The following RMND1 variants were observed in gnomAD, a reference collection of about 807,000 sequenced individuals.
The protein encoded by RMND1 is required for meiotic nuclear division 1 homolog.
In RMND1, 41 loss-of-function variants were observed where a neutral mutation model predicts 54.0. The ratio of observed to expected loss-of-function variants is 0.76; its 90% CI spans 0.59 to 0.98. The LOEUF (loss-of-function observed/expected upper bound fraction) is 0.98, where lower values mean the gene tolerates loss of function less well. Among genes scored for constraint, RMND1 ranks in the 50% least tolerant of loss-of-function variants. The probability of loss-of-function intolerance (pLI) is 0.00; values close to 1 mark genes in which losing one functional copy is unlikely to be tolerated. For missense variants in RMND1, 457 were observed against 532.0 expected, an observed-to-expected ratio of 0.86 and a Z score of 1.39; for synonymous variants, 183 against 181.7, an observed-to-expected ratio of 1.01 and a Z score of -0.06.
intron 6 of RMND1, among the ~76,000 whole-genome samples, chr6:151,425,642 G>T (rs955441812): frequency 6.6e-6 from 1 of 152,170 alleles, no homozygotes; most frequent in Non-Finnish European, 1.5e-5. Flanking sequence ...CTGCTCATTT[G>T]CTGTCTCTCT....
chr6:151,417,451 G>C (rs1780038693), intron 9 of RMND1, 52 bp from the exon 10 acceptor site: 2 of 1,394,200 alleles, frequency 1.4e-6, no homozygotes, highest in Admixed American at 2.3e-5. Flanking sequence ...AAAAATCATT[G>C]TTTCTATTGT....
At chr6:151,406,803 T>C (rs1779640404) in intron 10 of RMND1, among the ~76,000 whole-genome samples, 1 of 152,146 alleles carries the variant, frequency 6.6e-6, no homozygotes, top group African/African-American at 2.4e-5. Context: ...CACAGGTACG[T>C]GTTCAGGGGT....
chr6:151,410,088 T>G (rs929307901), intron 10 of RMND1, among the ~76,000 whole-genome samples: 2 of 150,052 alleles, frequency 1.3e-5, no homozygotes, highest in African/African-American at 4.9e-5. Flanking sequence ...GGAGTCTTGC[T>G]CTGTCACCCA....
intron 9 of RMND1, 62 bp from the exon 10 acceptor site, chr6:151,417,461 T>TAA: frequency 1.5e-6 from 2 of 1,361,520 alleles, no homozygotes; most frequent in Non-Finnish European, 2.0e-6. Context: ...GTTTCTATTG[T>TAA]ATTTAATATT....
At chr6:151,434,398 C>T (rs1488701287) in intron 3 of RMND1, among the ~76,000 whole-genome samples, 1 of 146,490 alleles carries the variant, frequency 6.8e-6, no homozygotes, top group Non-Finnish European at 1.5e-5. Context: ...CAGACACAGA[C>T]CAAAACTGTG....
rs1203728345 is a variant in RMND1, at chr6:151,436,535, G to C, written c.524C>G (p.Ala175Gly). ...SVNEDLMHCTAFATADEYHLG... is the reference protein window; with the variant it reads ...SVNEDLMHCTGFATADEYHLG... ...ATGATACTCATCTGCCGTTGCAAAT[G>C]CTGTGCAGTGCATTAGGTCCTGTTC... Residue 175 changes from alanine to glycine, a missense_variant, in exon 3 of 12, where the codon GCA becomes GGA. Ala to Gly is a moderately conservative substitution (Grantham distance 60). Transcript: ENST00000444024. The C allele has an allele frequency of 6.2e-7, 1 of 1,613,758 alleles. No individual in the cohort carries two copies. Among genetic ancestry groups the C allele is most frequent in the African/African-American group, 1.3e-5 (1 of 74,904 alleles).
intron 1 of RMND1, among the ~76,000 whole-genome samples, chr6:151,451,755 G>A (rs903696568): frequency 6.6e-6 from 1 of 152,176 alleles, no homozygotes; most frequent in African/African-American, 2.4e-5. Context: ...TCATCTTTGG[G>A]AGTATGCCGT....
intron 9 of RMND1, among the ~76,000 whole-genome samples, chr6:151,419,476 T>C (rs895667647): frequency 7.3e-5 from 11 of 151,468 alleles, no homozygotes; most frequent in African/African-American, 2.4e-4. Context: ...GGGAGGAGGA[T>C]TGCTTGAGCA....
intron 9 of RMND1, among the ~76,000 whole-genome samples, chr6:151,419,022 G>C (rs371698243): frequency 6.6e-6 from 1 of 151,542 alleles, no homozygotes; most frequent in Non-Finnish European, 1.5e-5. Flanking sequence ...CACTGGCCTC[G>C]GCCTCCCAAA....
At chr6:151,451,000 G>A (rs1385555250) in intron 1 of RMND1, among the ~76,000 whole-genome samples, 2 of 152,012 alleles carry the variant, frequency 1.3e-5, no homozygotes, top group Admixed American at 1.3e-4. Context: ...ATGCTTGAAG[G>A]CAGCGTGCTG....
chr6:151,420,080 T>A (rs537641704), intron 9 of RMND1, among the ~76,000 whole-genome samples: 3 of 152,194 alleles, frequency 2.0e-5, no homozygotes, highest in African/African-American at 7.2e-5. Context: ...GGAAACAGGA[T>A]AGTAAAAGTA....
intron 9 of RMND1, among the ~76,000 whole-genome samples, chr6:151,419,573 G>C (rs1005667072): frequency 6.6e-6 from 1 of 151,224 alleles, no homozygotes; most frequent in African/African-American, 2.4e-5. Context: ...ACCCAGGAGG[G>C]TGAGGCAGGA....
intron 6 of RMND1, among the ~76,000 whole-genome samples, chr6:151,426,230 A>C (rs1197645408): frequency 1.3e-5 from 2 of 152,188 alleles, no homozygotes; most frequent in Non-Finnish European, 2.9e-5. Flanking sequence ...TACAGGTGTG[A>C]GCCACCAAAT....
rs1780036289 is a variant in RMND1, at chr6:151,417,373, A to G, written c.1106T>C (p.Phe369Ser). 1.2e-6 allele frequency: 2 copies of G among 1,609,894 alleles called. No individual in the cohort carries two copies. Among genetic ancestry groups the G allele is most frequent in the Non-Finnish European group, 1.7e-6 (2 of 1,177,990 alleles). Residue 369 changes from phenylalanine (F) to serine (S), a missense_variant, in exon 10 of 12, where the codon TTC (phenylalanine) becomes TCC (serine). Transcript: ENST00000444024. Reference protein sequence around the residue: ...LRHRINLSSDFLITPDFYWDR... With the variant: ...LRHRINLSSDSLITPDFYWDR... ...CCAGTAGAAATCAGGAGTAATCAGG[A>G]AGTCTGAACTCAAGTTTATACGGTG... is the stretch of plus-strand genomic sequence containing the variant.
At chr6:151,417,464 TTA>T in intron 9 of RMND1, 65 bp from the exon 10 acceptor site, 3 of 1,365,244 alleles carry the variant, frequency 2.2e-6, no homozygotes, top group Non-Finnish European at 3.0e-6. Context: ...TCTATTGTAT[TTA>T]ATATTTACAT....
At chr6:151,451,958 G>A (rs1461634943) in intron 1 of RMND1, 58 bp downstream of exon 1, 1 of 153,564 alleles carries the variant, frequency 6.5e-6, no homozygotes, top group Non-Finnish European at 1.5e-5. Context: ...CCAGGAGCCA[G>A]GGCGCAGACC....
intron 5 of RMND1, 47 bp from the exon 6 acceptor site, chr6:151,427,629 G>A (rs1449142329): frequency 8.7e-7 from 1 of 1,152,476 alleles, no homozygotes; most frequent in Non-Finnish European, 1.3e-6. Context: ...GACTCCCTCA[G>A]TTCAAGTATG....
chr6:151,451,215 A>C (rs918082573), intron 1 of RMND1, among the ~76,000 whole-genome samples: 11 of 151,820 alleles, frequency 7.2e-5, no homozygotes, highest in Admixed American at 3.3e-4. Context: ...AAAAAAAAAA[A>C]AAAACACAAC....
At chr6:151,414,333 G>A (rs1046571465) in intron 10 of RMND1, among the ~76,000 whole-genome samples, 1 of 152,108 alleles carries the variant, frequency 6.6e-6, no homozygotes, top group Non-Finnish European at 1.5e-5. Flanking sequence ...TGTGGGGATT[G>A]GTAGGAAATA....
Sources: allele counts gnomAD v4.1 joint callset (sites outside exome capture counted in the v4.1 genomes callset), GRCh38; gene constraint gnomAD v4.1.1; transcripts MANE v1.5; gene names NCBI Gene and HGNC (gene_info 2026-07-23, HGNC 2026-07-21).